Variants in SLC25A48 observed in about 807,000 individuals in gnomAD.
The protein encoded by SLC25A48 is solute carrier family 25 member 48.
Under a neutral mutation model 32.2 loss-of-function variants are expected in SLC25A48, and 29 were observed. The ratio of observed to expected loss-of-function variants is 0.90; its 90% CI spans 0.67 to 1.23. SLC25A48 has a LOEUF of 1.23. SLC25A48 is among the 50% of genes most tolerant of loss of function. The pLI, the probability that SLC25A48 is intolerant of heterozygous loss-of-function variation, is 0.00. For missense variants in SLC25A48, 399 were observed against 422.7 expected (o/e 0.94, Z 0.49); for synonymous variants, 164 against 172.3 (o/e 0.95, Z 0.38).
intron 3 of SLC25A48, among the ~76,000 whole-genome samples, chr5:135,852,209 C>A (rs1001821726): frequency 6.6e-6 from 1 of 152,156 alleles, no homozygotes; most frequent in African/African-American, 2.4e-5. Flanking sequence ...GCGTGTGGTG[C>A]TTGGCCAGCC....
At chr5:135,761,426 T>C (rs1756056669) in intron 3 of SLC25A48, among the ~76,000 whole-genome samples, 1 of 152,096 alleles carries the variant, frequency 6.6e-6, no homozygotes, top group Admixed American at 6.6e-5. Flanking sequence ...GTTGTGCACA[T>C]GTACCCTAGA....
intron 3 of SLC25A48, among the ~76,000 whole-genome samples, chr5:135,701,834 G>C (rs1258548923): frequency 6.6e-6 from 1 of 152,230 alleles, no homozygotes; most frequent in Admixed American, 6.5e-5. Context: ...TCTTGCCCCT[G>C]CCAACCTGTC....
intron 4 of SLC25A48, among the ~76,000 whole-genome samples, chr5:135,853,751 ACCT>A (rs1760087560): frequency 6.6e-6 from 1 of 151,938 alleles, no homozygotes; most frequent in South Asian, 2.1e-4. Flanking sequence ...TGCTATTTTG[ACCT>A]CCTCCCATGA....
intron 3 of SLC25A48, among the ~76,000 whole-genome samples, chr5:135,648,268 GGCCTTGGAGTTGTGCA>G (rs1195538388): frequency 6.6e-6 from 1 of 152,094 alleles, no homozygotes; most frequent in Non-Finnish European, 1.5e-5. Flanking sequence ...TCGGGTCCTA[GGCCTTGGAGTTGTGCA>G]GCAGATGCTT....
At chr5:135,642,320 C>T (rs1752858686) in intron 3 of SLC25A48, among the ~76,000 whole-genome samples, 1 of 152,202 alleles carries the variant, frequency 6.6e-6, no homozygotes, top group Admixed American at 6.5e-5. Context: ...GAGTGTTGCT[C>T]TCAAGTGGGA....
intron 3 of SLC25A48, among the ~76,000 whole-genome samples, chr5:135,656,684 C>T (rs703251): frequency 0.34 from 52,424 of 151,956 alleles, 9,431 homozygotes; most frequent in East Asian, 0.62. Context: ...TGGAGTATGG[C>T]AGGCCCTCAA....
At chr5:135,746,473 C>A in intron 3 of SLC25A48, 1 of 234,446 alleles carries the variant, frequency 4.3e-6, no homozygotes. Context: ...CCTTTGCTGC[C>A]TTTGTGGTCA....
At position 135,788,425 on chromosome 5, in the gene SLC25A48, G is replaced by T. The variant is rs561225169; in HGVS notation, c.-520-24098G>T. 2.7e-5 allele frequency among the ~76,000 whole-genome samples: 4 copies of T among 149,834 alleles called. No individual in the cohort carries two copies. In the East Asian group the frequency reaches 6.0e-4, roughly 22 times the overall value. On this transcript the variant is annotated intron_variant, in intron 3 of 10. Coordinates refer to the SLC25A48 transcript ENST00000646290. Reference sequence around the variant, plus strand: ...AGGGTGATATTACTCCCCATGTGGCGGCGGGTGTACCCCCTCCCGCCATAT... The same window carrying T: ...AGGGTGATATTACTCCCCATGTGGCTGCGGGTGTACCCCCTCCCGCCATAT...
chr5:135,797,268 C>T (rs1411060804), intron 3 of SLC25A48, among the ~76,000 whole-genome samples: 2 of 151,872 alleles, frequency 1.3e-5, no homozygotes, highest in Non-Finnish European at 2.9e-5. Context: ...CCCAATATCA[C>T]AGGGGCTGTG....
intron 3 of SLC25A48, among the ~76,000 whole-genome samples, chr5:135,745,977 C>T (rs1330026843): frequency 6.6e-6 from 1 of 152,078 alleles, no homozygotes; most frequent in Non-Finnish European, 1.5e-5. Context: ...AATTAATGTC[C>T]CTTCTGATGC....
At chr5:135,727,778 C>A (rs1755122203) in intron 3 of SLC25A48, among the ~76,000 whole-genome samples, 2 of 152,142 alleles carry the variant, frequency 1.3e-5, no homozygotes, top group Non-Finnish European at 1.5e-5. Context: ...CGGCCAATAC[C>A]ACAGTCTTGA....
At chr5:135,612,356 C>T (rs1223147875) in intron 1 of SLC25A48, among the ~76,000 whole-genome samples, 1 of 152,126 alleles carries the variant, frequency 6.6e-6, no homozygotes, top group Non-Finnish European at 1.5e-5. Flanking sequence ...GGGTATCTAT[C>T]GTCTTGAGGA....
At chr5:135,720,035 G>T (rs538440960) in intron 3 of SLC25A48, among the ~76,000 whole-genome samples, 1 of 152,358 alleles carries the variant, frequency 6.6e-6, no homozygotes, top group East Asian at 1.9e-4. Context: ...CATTTGTTTT[G>T]TAAGCCAAGT....
intron 3 of SLC25A48, among the ~76,000 whole-genome samples, chr5:135,719,595 C>T (rs1754898930): frequency 1.3e-5 from 2 of 152,156 alleles, no homozygotes. Flanking sequence ...AACCTTCACC[C>T]AGGGGATCTG....
intron 1 of SLC25A48, among the ~76,000 whole-genome samples, chr5:135,835,352 C>T (rs1472945093): frequency 6.8e-6 from 1 of 147,946 alleles, no homozygotes; most frequent in Non-Finnish European, 1.5e-5. Flanking sequence ...ACGGGGCGTC[C>T]CGACTGGAGG....
intron 1 of SLC25A48, among the ~76,000 whole-genome samples, chr5:135,599,635 C>T (rs1751741167): frequency 6.6e-6 from 1 of 152,240 alleles, no homozygotes; most frequent in African/African-American, 2.4e-5. Context: ...ATGGCCACTC[C>T]AGCTGCATGT....
intron 3 of SLC25A48, among the ~76,000 whole-genome samples, chr5:135,758,143 CGAT>C (rs2127015098): frequency 6.6e-6 from 1 of 150,584 alleles, no homozygotes; most frequent in Admixed American, 6.6e-5. Flanking sequence ...TGTTAACACA[CGAT>C]GATATGAATA....
chr5:135,773,568 C>T (rs570551916), intron 3 of SLC25A48, among the ~76,000 whole-genome samples: 13 of 151,404 alleles, frequency 8.6e-5, no homozygotes, highest in South Asian at 6.3e-4. Flanking sequence ...CTGGGTATTA[C>T]GAACCATATA....
intron 1 of SLC25A48, among the ~76,000 whole-genome samples, chr5:135,589,602 C>T (rs1751459955): frequency 1.3e-5 from 2 of 152,208 alleles, no homozygotes; most frequent in Admixed American, 1.3e-4. Flanking sequence ...GTGGTTGATG[C>T]ATTCATTCAT....
Sources: allele counts gnomAD v4.1 joint callset (sites outside exome capture counted in the v4.1 genomes callset), GRCh38; gene constraint gnomAD v4.1.1; transcripts MANE v1.5; gene names NCBI Gene and HGNC (gene_info 2026-07-23, HGNC 2026-07-21).